DZIP1: variants seen among roughly 807,000 people sequenced by gnomAD.
DZIP1 encodes cilium assembly protein DZIP1.
DZIP1 carries 97 observed loss-of-function variants against 107.6 expected under a neutral mutation model. The ratio of observed to expected loss-of-function variants is 0.90; its 90% CI spans 0.77 to 1.07. The LOEUF is 1.07. Ranked by LOEUF, DZIP1 falls within the 50% of genes least tolerant of loss-of-function variation. The pLI is 0.00. For missense variants in DZIP1, 1,035 were observed against 1,063.6 expected, an observed-to-expected ratio of 0.97 and a Z score of 0.37; for synonymous variants, 390 against 386.4, an observed-to-expected ratio of 1.01 and a Z score of -0.11.
chr13:95,611,584 T>A, intron 11 of DZIP1, 91 bp from the exon 12 acceptor site: 2 of 1,093,764 alleles, frequency 1.8e-6, no homozygotes, highest in Non-Finnish European at 2.8e-6. Flanking sequence ...GTTAGTAAAT[T>A]AACCTTTTCA....
intron 14 of DZIP1, among the ~76,000 whole-genome samples, chr13:95,600,802 G>A (rs1385088379): frequency 2.0e-5 from 3 of 152,150 alleles, no homozygotes; most frequent in Non-Finnish European, 4.4e-5. Context: ...CCTAACTGCT[G>A]AAGTGTGGAC....
rs923269956 is a variant in DZIP1 at position 95,581,954 on chromosome 13, C to A, written c.*280G>T. 45 of 296,908 alleles carry A rather than the reference C, an allele frequency of 1.5e-4. No homozygotes were observed. The highest frequency in any genetic ancestry group is 2.2e-4 in the Non-Finnish European group (36 of 162,114). 18.4% of individuals were successfully genotyped at this position (296,908 alleles called of 1,614,324 possible). A position where few individuals can be genotyped will look rare whatever the true frequency, so the allele number is the denominator to read the frequency against. On this transcript the variant is annotated 3_prime_UTR_variant, in exon 23 of 23. Transcript: ENST00000376829. ...AAAAAATACACTTAACACTAGAGTA[C>A]CTTTCTGAAGAAAAAACTTTTTATG... is the stretch of plus-strand genomic sequence containing the variant.
intron 6 of DZIP1, chr13:95,630,700 G>T: frequency 1.6e-6 from 2 of 1,244,812 alleles, no homozygotes; most frequent in Non-Finnish European, 2.1e-6. Flanking sequence ...GAATACTTAT[G>T]TACATGTACT....
intron 6 of DZIP1, among the ~76,000 whole-genome samples, chr13:95,631,942 C>G (rs1877245169): frequency 6.6e-6 from 1 of 152,232 alleles, no homozygotes. Flanking sequence ...CGTCCATTGT[C>G]AGTCTTCATC....
At chr13:95,639,144 T>G (rs1410772640) in intron 5 of DZIP1, among the ~76,000 whole-genome samples, 1 of 152,172 alleles carries the variant, frequency 6.6e-6, no homozygotes, top group Non-Finnish European at 1.5e-5. Context: ...ATATGGTAGG[T>G]ACAATTAATA....
intron 16 of DZIP1, among the ~76,000 whole-genome samples, chr13:95,592,567 A>G (rs1451165111): frequency 6.6e-6 from 1 of 152,202 alleles, no homozygotes; most frequent in Non-Finnish European, 1.5e-5. Flanking sequence ...GACTTTGGAA[A>G]ACTATTTGGC....
At position 95,641,708 on chromosome 13, in the gene DZIP1, G is replaced by A; in HGVS notation, c.184C>T (p.Pro62Ser). ...SGPLPFFQFRPRLESVDWRRL... is the reference protein window; with the variant it reads ...SGPLPFFQFRSRLESVDWRRL... ...CGCCAGTCCACACTCTCCAGCCGCG[G>A]CCTGAACTGGAAGAAGGGCAGGGGC... is the stretch of plus-strand genomic sequence containing the variant. The change falls in exon 5 of 23, where the codon CCG becomes TCG. Residue 62 changes from proline (P) to serine (S), a missense_variant. Transcript: ENST00000376829. The surrounding 1 kb of genome is among the most constrained non-coding windows in gnomAD (Gnocchi z 4.3). 2 of 1,601,862 alleles carry A rather than the reference G, an allele frequency of 1.2e-6. No individual in the cohort carries two copies. Among genetic ancestry groups the A allele is most frequent in the Non-Finnish European group, 1.7e-6 (2 of 1,179,118 alleles).
At chr13:95,626,532 G>T (rs1876560553) in intron 7 of DZIP1, among the ~76,000 whole-genome samples, 1 of 152,040 alleles carries the variant, frequency 6.6e-6, no homozygotes, top group African/African-American at 2.4e-5. Flanking sequence ...ATAAATAAAG[G>T]GATAGAGTTA....
chr13:95,621,754 G>A (rs1308716200), intron 9 of DZIP1, among the ~76,000 whole-genome samples: 1 of 144,380 alleles, frequency 6.9e-6, no homozygotes, highest in Non-Finnish European at 1.5e-5. Context: ...TATCACTCTT[G>A]TTGCCCAGAC....
Position 95,630,359 on chromosome 13 carries a change from T to G in DZIP1, c.686-246A>C, listed in dbSNP as rs143793774. The stretch of plus-strand genomic sequence containing the variant: ...TGTGTTGAGGTTGGATTATCCTACA[T>G]AGATACATGAGAGCCCTCTTCAGGG... On this transcript the variant is annotated intron_variant, in intron 6 of 22. Coordinates refer to ENST00000376829, the MANE Select transcript of DZIP1 (RefSeq NM_198968.4). 4.4e-3 allele frequency among the ~76,000 whole-genome samples: 668 copies of G among 152,242 alleles called. 8 individuals are homozygous for G. Among genetic ancestry groups the G allele is most frequent in the African/African-American group, 0.015 (642 of 41,520 alleles).
At chr13:95,628,231 C>T (rs931882399) in intron 7 of DZIP1, among the ~76,000 whole-genome samples, 17 of 152,092 alleles carry the variant, frequency 1.1e-4, no homozygotes, top group African/African-American at 3.9e-4. Context: ...TTTGTAGAGA[C>T]AGGGTCTCAC....
intron 2 of DZIP1, 28 bp downstream of exon 2, chr13:95,643,573 A>G (rs927608405): frequency 3.3e-5 from 5 of 152,512 alleles, no homozygotes; most frequent in Non-Finnish European, 7.3e-5. Flanking sequence ...AGCTTCCTCC[A>G]TCTGTTTAAG....
intron 6 of DZIP1, among the ~76,000 whole-genome samples, chr13:95,633,025 A>G (rs1291345022): frequency 6.6e-6 from 1 of 152,142 alleles, no homozygotes; most frequent in Non-Finnish European, 1.5e-5. Context: ...CTCGAGAGAG[A>G]GTGGGGCTTC....
At chr13:95,594,250 A>C (rs1301391823) in intron 15 of DZIP1, among the ~76,000 whole-genome samples, 164 bp from the exon 16 acceptor site, 1 of 152,226 alleles carries the variant, frequency 6.6e-6, no homozygotes, top group Non-Finnish European at 1.5e-5. Context: ...CAGAATGCTT[A>C]AGTTATGCAG....
chr13:95,633,307 G>T lies in DZIP1; in HGVS notation c.612C>A (p.Asp204Glu), dbSNP rs754552672. Reference sequence around the variant, plus strand: ...GAAAAGCTTGGTTCATAAAGGCCTTGTCACAAAAATGGCACTGAAAAGGAG... The same window carrying T: ...GAAAAGCTTGGTTCATAAAGGCCTTTTCACAAAAATGGCACTGAAAAGGAG... ...KANYYQCHFCDKAFMNQAFLQ... is the reference protein window; with the variant it reads ...KANYYQCHFCEKAFMNQAFLQ... Residue 204 changes from aspartate to glutamate, a missense_variant, in exon 6 of 23, where the codon GAC (aspartate) becomes GAA (glutamate). By Grantham distance (45) the Asp-to-Glu change is conservative. Coordinates refer to ENST00000376829, the MANE Select transcript of DZIP1 (RefSeq NM_198968.4). 6.2e-7 allele frequency: 1 copy of T among 1,614,122 alleles called. No homozygotes were observed. Among genetic ancestry groups the T allele is most frequent in the Non-Finnish European group, 8.5e-7 (1 of 1,179,980 alleles).
intron 13 of DZIP1, among the ~76,000 whole-genome samples, chr13:95,606,277 T>TGA (rs1310533051): frequency 1.3e-5 from 2 of 152,310 alleles, no homozygotes; most frequent in East Asian, 3.9e-4. Flanking sequence ...TACAATTCAG[T>TGA]GGGTTTTTAG....
At position 95,643,150 on chromosome 13, in the gene DZIP1, C is replaced by T. The variant is rs1017362609; in HGVS notation, c.-320G>A. ...CTCATTTCTATGGGTCTTCTGGGGG[C>T]CTCCAGTGGTTACCACAGAGATCAA... On this transcript the variant is annotated 5_prime_UTR_variant, in exon 3 of 23. Coordinates refer to ENST00000376829, the MANE Select transcript of DZIP1 (RefSeq NM_198968.4). 4 of 152,212 alleles carry T rather than the reference C, an allele frequency of 2.6e-5. No individual in the cohort carries two copies. The highest frequency in any genetic ancestry group is 2.1e-4 in the South Asian group (1 of 4,814). 9.4% of individuals were successfully genotyped at this position (152,212 alleles called of 1,614,324 possible). A position where few individuals can be genotyped will look rare whatever the true frequency, so the allele number is the denominator to read the frequency against.
At position 95,584,913 on chromosome 13, in the gene DZIP1, AAAAG is replaced by A. The variant is rs758988533; in HGVS notation, c.2350-7_2350-4del. ...TCTTCATCCTCCACATCCGCACACT[AAAAG>A]AAAGGCATGGAGAATAATTAATGTT... On this transcript the variant is annotated splice_region_variant and splice_polypyrimidine_tract_variant and intron_variant, in intron 21 of 22. Transcript: ENST00000376829. The A allele has an allele frequency of 6.2e-7, 1 of 1,607,658 alleles. No individual in the cohort carries two copies. Among genetic ancestry groups the A allele is most frequent in the Admixed American group, 1.7e-5 (1 of 58,852 alleles).
intron 7 of DZIP1, 45 bp from the exon 8 acceptor site, chr13:95,624,974 A>T (rs902213054): frequency 2.3e-5 from 34 of 1,488,934 alleles, no homozygotes; most frequent in Middle Eastern, 3.8e-4. Flanking sequence ...TGGTCTGAAG[A>T]AAATAAGCAA....
Sources: allele counts gnomAD v4.1 joint callset (sites outside exome capture counted in the v4.1 genomes callset), GRCh38; gene constraint gnomAD v4.1.1; non-coding constraint Gnocchi (gnomAD v3.1); transcripts MANE v1.5; gene names NCBI Gene and HGNC (gene_info 2026-07-23, HGNC 2026-07-21).